The following RBFOX1 variants were observed in gnomAD, a reference collection of about 807,000 sequenced individuals.
RBFOX1 encodes the protein RNA binding protein fox-1 homolog 1.
Under a neutral mutation model 57.7 loss-of-function variants are expected in RBFOX1, and 8 were observed. That is an observed-to-expected ratio of 0.14 (90% CI 0.08 to 0.25). RBFOX1 has a LOEUF of 0.25. RBFOX1 is among the 10% of genes least tolerant of loss of function. RBFOX1 has a pLI of 1.00. For missense variants in RBFOX1, 611 were observed against 548.5 expected, an observed-to-expected ratio of 1.11 and a Z score of -1.14; for synonymous variants, 326 against 222.4, an observed-to-expected ratio of 1.47 and a Z score of -4.15.
At chr16:6,842,491 C>A (rs962837917) in intron 3 of RBFOX1, among the ~76,000 whole-genome samples, 3 of 152,042 alleles carry the variant, frequency 2.0e-5, no homozygotes, top group African/African-American at 7.2e-5. Context: ...TTTAGAAAAA[C>A]CAAATTGAAT....
intron 4 of RBFOX1, among the ~76,000 whole-genome samples, chr16:7,342,408 A>G (rs185822464): frequency 2.0e-5 from 3 of 152,112 alleles, no homozygotes; most frequent in Non-Finnish European, 4.4e-5. Context: ...CATGGTTTCA[A>G]CCTGTCTGCG....
At chr16:7,498,596 T>G (rs1241180995) in intron 4 of RBFOX1, among the ~76,000 whole-genome samples, 2 of 152,168 alleles carry the variant, frequency 1.3e-5, no homozygotes, top group African/African-American at 4.8e-5. Context: ...CCATTCAACA[T>G]GTAATCAAAC....
At chr16:5,904,098 T>C (rs994001776) in intron 4 of RBFOX1, among the ~76,000 whole-genome samples, 1 of 152,068 alleles carries the variant, frequency 6.6e-6, no homozygotes, top group Non-Finnish European at 1.5e-5. Flanking sequence ...TCATGATTAG[T>C]ATGCAGGTAA....
At chr16:7,480,920 G>C (rs1308977043) in intron 4 of RBFOX1, among the ~76,000 whole-genome samples, 1 of 152,178 alleles carries the variant, frequency 6.6e-6, no homozygotes, top group Non-Finnish European at 1.5e-5. Context: ...GGAGGGGCAG[G>C]GGTAGGGGTC....
intron 1 of RBFOX1, among the ~76,000 whole-genome samples, chr16:6,304,352 C>T (rs1345480654): frequency 6.6e-6 from 1 of 152,008 alleles, no homozygotes. Context: ...TTTTTTTATC[C>T]TGGCTCTATA....
intron 3 of RBFOX1, among the ~76,000 whole-genome samples, chr16:6,870,307 A>G (rs2060646973): frequency 1.3e-5 from 2 of 152,240 alleles, no homozygotes; most frequent in Non-Finnish European, 1.5e-5. Flanking sequence ...GTTTGTCAGC[A>G]CTACTGAAAT....
At chr16:5,953,568 A>G (rs1419232901) in intron 4 of RBFOX1, among the ~76,000 whole-genome samples, 8 of 152,052 alleles carry the variant, frequency 5.3e-5, no homozygotes, top group African/African-American at 1.9e-4. Flanking sequence ...CTTAGCTCCC[A>G]CTTATGAGTG....
At chr16:5,577,605 A>G (rs1288739049) in intron 2 of RBFOX1, among the ~76,000 whole-genome samples, 3 of 152,186 alleles carry the variant, frequency 2.0e-5, no homozygotes, top group Non-Finnish European at 4.4e-5. Context: ...CTGTTACTAC[A>G]TGTTTGCAAT....
intron 3 of RBFOX1, among the ~76,000 whole-genome samples, chr16:6,910,588 G>T (rs1336829856): frequency 6.6e-6 from 1 of 152,136 alleles, no homozygotes; most frequent in Non-Finnish European, 1.5e-5. Flanking sequence ...CCTCAGCAGG[G>T]CTGCATTTCT....
At chr16:7,364,569 G>T in intron 4 of RBFOX1, among the ~76,000 whole-genome samples, 1 of 94,942 alleles carries the variant, frequency 1.1e-5, no homozygotes, top group East Asian at 3.0e-4. Context: ...ATGATATCAA[G>T]AAGACCAAAA....
At position 5,743,911 on chromosome 16, in the gene RBFOX1, C is replaced by T. The variant is rs147914970; in HGVS notation, c.319-123392C>T. 7.6e-4 allele frequency among the ~76,000 whole-genome samples: 115 copies of T among 152,274 alleles called. 1 individual carries two copies. Among genetic ancestry groups the T allele is most frequent in the African/African-American group, 2.5e-3 (104 of 41,558 alleles). ...AGGCATGATGTCATACGGAAGGTCT[C>T]AAGAACTTATTCATCTTGATAACAG... On this transcript the variant is annotated intron_variant, in intron 3 of 19. Transcript: ENST00000641259.
At chr16:5,598,790 T>C in intron 2 of RBFOX1, 1 of 799,252 alleles carries the variant, frequency 1.3e-6, no homozygotes, top group Middle Eastern at 2.3e-4. Context: ...GTACTGTGGC[T>C]AAACGTGGTG....
rs552328752 is a variant in RBFOX1, at chr16:7,536,508, C to T, written c.270+18119C>T. ...ACTCAGGAGGCTGAGACAAGAGAATCGCTTGAACTCAGGAGGCGGAGGTTG... is the reference window on the plus strand; with the variant it reads ...ACTCAGGAGGCTGAGACAAGAGAATTGCTTGAACTCAGGAGGCGGAGGTTG... On this transcript the variant is annotated intron_variant, in intron 5 of 15. Coordinates refer to ENST00000550418, the MANE Select transcript of RBFOX1 (RefSeq NM_018723.4). 3.3e-5 allele frequency among the ~76,000 whole-genome samples: 5 copies of T among 152,296 alleles called. No homozygotes were observed. The South Asian group carries it at 6.2e-4, about 19-fold the overall frequency.
At chr16:6,858,878 G>C (rs1603633179) in intron 3 of RBFOX1, among the ~76,000 whole-genome samples, 2 of 151,706 alleles carry the variant, frequency 1.3e-5, no homozygotes, top group Admixed American at 6.6e-5. Flanking sequence ...TATTTCTGAA[G>C]CTCAGCTATA....
intron 4 of RBFOX1, among the ~76,000 whole-genome samples, chr16:7,492,724 G>C (rs1436118357): frequency 2.0e-5 from 3 of 151,984 alleles, no homozygotes; most frequent in African/African-American, 4.8e-5. Flanking sequence ...ATAGTGAATT[G>C]TTGTGAAAGC....
intron 3 of RBFOX1, among the ~76,000 whole-genome samples, chr16:5,760,503 C>A (rs2053557108): frequency 1.3e-5 from 2 of 152,078 alleles, no homozygotes; most frequent in Non-Finnish European, 2.9e-5. Context: ...GTGAAAAGAA[C>A]CCCATTTCCA....
chr16:6,992,878 C>T (rs1340622974), intron 3 of RBFOX1, among the ~76,000 whole-genome samples: 4 of 147,926 alleles, frequency 2.7e-5, no homozygotes, highest in African/African-American at 1.0e-4. Flanking sequence ...TCAATATATT[C>T]AGTGCCCACC....
chr16:6,343,293 C>T (rs1275329052), intron 2 of RBFOX1, among the ~76,000 whole-genome samples: 1 of 152,168 alleles, frequency 6.6e-6, no homozygotes, highest in African/African-American at 2.4e-5. Flanking sequence ...TCTTCCCCTA[C>T]CCTGGTGGTA....
At chr16:6,240,578 C>G (rs1019391127) in intron 1 of RBFOX1, among the ~76,000 whole-genome samples, 1 of 151,970 alleles carries the variant, frequency 6.6e-6, no homozygotes, top group Non-Finnish European at 1.5e-5. Context: ...AAGTACAAAC[C>G]CCTACTGAAA....
Sources: gnomAD v4.1 joint callset for allele counts (sites outside exome capture counted in the v4.1 genomes callset) on GRCh38, gnomAD v4.1.1 for gene constraint, MANE v1.5 for transcripts, NCBI Gene and HGNC (gene_info 2026-07-23, HGNC 2026-07-21) for gene names.